The following CELA1 variants were observed in gnomAD, a reference collection of about 807,000 sequenced individuals.
CELA1 encodes chymotrypsin like elastase 1, also known as chymotrypsin-like elastase family member 1.
Under a neutral mutation model 34.8 loss-of-function variants are expected in CELA1, and 28 were observed. That is an observed-to-expected ratio of 0.80 (90% confidence interval 0.60 to 1.10). The LOEUF (loss-of-function observed/expected upper bound fraction) is 1.10, where lower values mean the gene tolerates loss of function less well. CELA1 is among the 50% of genes least tolerant of loss of function. The pLI, the probability that CELA1 is intolerant of heterozygous loss-of-function variation, is 0.00. For synonymous variants in CELA1, 140 were observed against 129.8 expected (o/e 1.08, Z -0.53); for missense variants, 288 against 327.5 (o/e 0.88, Z 0.93).
At chr12:51,332,396 C>T (rs17860348) in intron 6 of CELA1, among the ~76,000 whole-genome samples, 185 of 121,860 alleles carry the variant, frequency 1.5e-3, no homozygotes, top group South Asian at 1.9e-3. Flanking sequence ...ATCACATCTG[C>T]CATAATGTCA....
intron 3 of CELA1, 28 bp from the exon 4 acceptor site, chr12:51,342,728 C>A: frequency 6.2e-7 from 1 of 1,612,728 alleles, no homozygotes; most frequent in South Asian, 1.1e-5. Flanking sequence ...ATCCCTGAGT[C>A]ATCCAGGGGA....
intron 6 of CELA1, among the ~76,000 whole-genome samples, chr12:51,333,890 T>C (rs1167091941): frequency 6.6e-6 from 1 of 152,178 alleles, no homozygotes; most frequent in Admixed American, 6.5e-5. Flanking sequence ...CTTGTGCTAA[T>C]TGACCCGAAA....
At chr12:51,336,484 A>G (rs1946500229) in intron 6 of CELA1, among the ~76,000 whole-genome samples, 1 of 152,128 alleles carries the variant, frequency 6.6e-6, no homozygotes, top group Non-Finnish European at 1.5e-5. Flanking sequence ...AAAATTAGCC[A>G]GGTGTTGTGG....
intron 6 of CELA1, among the ~76,000 whole-genome samples, chr12:51,336,488 G>A (rs1189520838): frequency 6.6e-6 from 1 of 152,164 alleles, no homozygotes; most frequent in East Asian, 1.9e-4. Context: ...TTAGCCAGGT[G>A]TTGTGGCACA....
At chr12:51,331,593 C>T (rs192138061) in intron 6 of CELA1, among the ~76,000 whole-genome samples, 20 of 152,210 alleles carry the variant, frequency 1.3e-4, no homozygotes, top group African/African-American at 4.3e-4. Context: ...AGGAGGCAAA[C>T]ATGTGAATAA....
At chr12:51,341,518 C>T (rs568895823) in intron 4 of CELA1, 138 bp from the exon 5 acceptor site, 2 of 850,684 alleles carry the variant, frequency 2.4e-6, no homozygotes, top group Admixed American at 2.5e-5. Context: ...GGCTCACTTG[C>T]TAAGCCTCAA....
At chr12:51,328,742 A>T in intron 7 of CELA1, 148 bp from the exon 8 acceptor site, 1 of 802,322 alleles carries the variant, frequency 1.2e-6, no homozygotes, top group Non-Finnish European at 2.1e-6. Flanking sequence ...AGTCAGCCTC[A>T]ACTGTGATAG....
chr12:51,340,465 C>T (rs1393986909), intron 5 of CELA1, among the ~76,000 whole-genome samples: 1 of 150,412 alleles, frequency 6.6e-6, no homozygotes, highest in African/African-American at 2.5e-5. Flanking sequence ...TCTCGGCTCA[C>T]CACAACCTCC....
In CELA1 at chr12:51,343,823, G is replaced by A. The variant is rs17860299; in HGVS notation, c.130C>T (p.Arg44Trp). The change falls in exon 3 of 8, where the codon CGG becomes TGG. Residue 44 changes from arginine to tryptophan, a missense_variant. Transcript: ENST00000293636. ...ISLQYRSGGS[R>W]YHTCGGTLIR... ...AGGGTCCCTCCACAGGTGTGATACC[G>A]GGAACCTCCAGACCGGTACTGGAGG... 215,640 of 1,604,488 alleles carry A rather than the reference G, an allele frequency of 0.13. 19,033 individuals are homozygous for A. Among genetic ancestry groups the A allele is most frequent in the East Asian group, 0.39 (17,472 of 44,780 alleles).
At chr12:51,335,708 C>T (rs1178802633) in intron 6 of CELA1, among the ~76,000 whole-genome samples, 1 of 151,302 alleles carries the variant, frequency 6.6e-6, no homozygotes, top group Non-Finnish European at 1.5e-5. Flanking sequence ...GCGATCATAG[C>T]TCACTGCAGC....
intron 7 of CELA1, among the ~76,000 whole-genome samples, chr12:51,329,429 A>T (rs138622692): frequency 1.1e-3 from 162 of 152,100 alleles, no homozygotes; most frequent in Non-Finnish European, 1.6e-3. Flanking sequence ...TTCAGATTTG[A>T]TGTTGCCACT....
chr12:51,342,389 T>C (rs1210390272), intron 4 of CELA1, among the ~76,000 whole-genome samples, 186 bp downstream of exon 4: 1 of 152,194 alleles, frequency 6.6e-6, no homozygotes, highest in African/African-American at 2.4e-5. Context: ...CATTGCTCCC[T>C]CTAGGACATG....
At chr12:51,344,670 AC>A (rs1249934167) in intron 2 of CELA1, among the ~76,000 whole-genome samples, 63 of 152,092 alleles carry the variant, frequency 4.1e-4, no homozygotes, top group Non-Finnish European at 8.5e-4. Flanking sequence ...CAGCCTGGTG[AC>A]AGAGCGAGAC....
chr12:51,330,538 C>T (rs1250018179), intron 6 of CELA1, among the ~76,000 whole-genome samples: 1 of 152,214 alleles, frequency 6.6e-6, no homozygotes, highest in Non-Finnish European at 1.5e-5. Flanking sequence ...AATGGCCTAG[C>T]CAGATCACCT....
At chr12:51,336,517 C>G (rs12304112) in intron 6 of CELA1, among the ~76,000 whole-genome samples, 25,026 of 152,124 alleles carry the variant, frequency 0.16, 2,601 homozygotes, top group East Asian at 0.4. Context: ...ATCCCGGCTA[C>G]TTAGGAACCT....
At chr12:51,345,930 G>A in intron 1 of CELA1, 53 bp from the exon 2 acceptor site, 1 of 1,291,720 alleles carries the variant, frequency 7.7e-7, no homozygotes, top group Non-Finnish European at 1.1e-6. Context: ...GTCAGCCAGG[G>A]GTAGGGGTGG....
chr12:51,344,571 G>A (rs542153510), intron 2 of CELA1, among the ~76,000 whole-genome samples: 83 of 151,660 alleles, frequency 5.5e-4, no homozygotes, highest in Middle Eastern at 6.9e-3. Context: ...TGCACCTGTA[G>A]TCCCAGCTAC....
intron 7 of CELA1, 70 bp downstream of exon 7, chr12:51,329,614 G>C: frequency 3.4e-6 from 5 of 1,463,548 alleles, no homozygotes; most frequent in Non-Finnish European, 4.6e-6. Context: ...TCCAACGTTT[G>C]TTCCCCAACC....
intron 2 of CELA1, among the ~76,000 whole-genome samples, chr12:51,345,178 C>T (rs1346348831): frequency 1.3e-5 from 2 of 152,000 alleles, no homozygotes; most frequent in Non-Finnish European, 2.9e-5. Flanking sequence ...CATGTCTCTT[C>T]TTCTAGCACC....
Sources: allele counts gnomAD v4.1 joint callset (sites outside exome capture counted in the v4.1 genomes callset), GRCh38; gene constraint gnomAD v4.1.1; transcripts MANE v1.5; gene names NCBI Gene and HGNC (gene_info 2026-07-23, HGNC 2026-07-21).